PDE4D: variants seen among roughly 807,000 people sequenced by gnomAD.
PDE4D encodes the protein 3',5'-cyclic-AMP phosphodiesterase 4D.
In PDE4D, 24 loss-of-function variants were observed where a neutral mutation model predicts 87.4. That is an observed-to-expected ratio of 0.27 (90% CI 0.20 to 0.39). PDE4D has a LOEUF of 0.39. PDE4D is among the 10% of genes least tolerant of loss of function. The pLI is 1.00. For missense variants in PDE4D, 714 were observed against 1,041.0 expected (o/e 0.69, Z 4.32); for synonymous variants, 384 against 383.2 (o/e 1.00, Z -0.02).
intron 1 of PDE4D, among the ~76,000 whole-genome samples, chr5:59,395,243 C>T (rs1433729597): frequency 1.3e-5 from 2 of 152,184 alleles, no homozygotes; most frequent in Non-Finnish European, 2.9e-5. Flanking sequence ...CTCAAGGAGG[C>T]CTGCGTGCTT....
Position 59,836,668 on chromosome 5 carries a change from CCTAT to C in PDE4D, c.455+56496_455+56499del, listed in dbSNP as rs202194802. Reference sequence around the variant, plus strand: ...TATCTATCTATCTATCATCTATCTACCTATCTATCTATCTACCTATCTATCTATG... The same window carrying C: ...TATCTATCTATCTATCATCTATCTACCTATCTATCTACCTATCTATCTATG... On this transcript the variant is annotated intron_variant, in intron 1 of 14. Transcript: ENST00000340635. Among the ~76,000 whole-genome samples the C allele has an allele frequency of 9.8e-3, 1,220 of 124,868 alleles. 8 individuals carry two copies. Among genetic ancestry groups the C allele is most frequent in the South Asian group, 0.017 (76 of 4,460 alleles). 81.9% of individuals were successfully genotyped at this position (124,868 alleles called of 152,430 possible).
At chr5:60,087,830 A>G (rs906406960) in intron 2 of PDE4D, among the ~76,000 whole-genome samples, 6 of 152,288 alleles carry the variant, frequency 3.9e-5, no homozygotes, top group African/African-American at 1.4e-4. Context: ...TCTAGAAAGC[A>G]TATTTCAAAA....
At chr5:60,387,330 C>T (rs1762255051) in intron 1 of PDE4D, among the ~76,000 whole-genome samples, 1 of 152,168 alleles carries the variant, frequency 6.6e-6, no homozygotes, top group Non-Finnish European at 1.5e-5. Context: ...CTTTGTATCC[C>T]AATGACGTCA....
chr5:59,013,119 A>G (rs1300407159), intron 6 of PDE4D, among the ~76,000 whole-genome samples: 4 of 152,220 alleles, frequency 2.6e-5, no homozygotes, highest in African/African-American at 9.6e-5. Flanking sequence ...AAGACACAAC[A>G]TACTAGAATC....
rs187714334 is a variant in PDE4D, at chr5:59,121,973, C to A, written c.808+58622G>T. The stretch of plus-strand genomic sequence containing the variant: ...CCTGGCCAATATGGTGAAACCCCAT[C>A]TCTTCTTAAAATACAAAAATTAGCC... On this transcript the variant is annotated intron_variant, in intron 5 of 14. Transcript: ENST00000340635. 4.6e-3 allele frequency among the ~76,000 whole-genome samples: 705 copies of A among 152,000 alleles called. 6 individuals carry two copies. The highest frequency in any genetic ancestry group is 0.016 in the African/African-American group (679 of 41,460).
At chr5:60,320,291 A>G (rs1159346446) in intron 1 of PDE4D, among the ~76,000 whole-genome samples, 1 of 152,206 alleles carries the variant, frequency 6.6e-6, no homozygotes, top group Non-Finnish European at 1.5e-5. Context: ...CATGCACGGG[A>G]TATAATCTCC....
At chr5:60,253,871 A>G (rs921793220) in intron 1 of PDE4D, among the ~76,000 whole-genome samples, 1 of 151,902 alleles carries the variant, frequency 6.6e-6, no homozygotes, top group Admixed American at 6.6e-5. Context: ...TAATATTGGG[A>G]CAGAGTAAAG....
chr5:59,061,034 T>A (rs1763039785), intron 5 of PDE4D, among the ~76,000 whole-genome samples: 1 of 152,164 alleles, frequency 6.6e-6, no homozygotes, highest in South Asian at 2.1e-4. Context: ...AGGATGTTCA[T>A]ATATTTATTG....
intron 1 of PDE4D, among the ~76,000 whole-genome samples, chr5:60,413,440 T>C (rs1285339229): frequency 6.6e-6 from 1 of 152,190 alleles, no homozygotes; most frequent in African/African-American, 2.4e-5. Context: ...CCTTTCATTT[T>C]CTGAAGATGA....
At chr5:60,166,672 A>G (rs1782931852) in intron 2 of PDE4D, among the ~76,000 whole-genome samples, 1 of 152,186 alleles carries the variant, frequency 6.6e-6, no homozygotes, top group African/African-American at 2.4e-5. Context: ...GCATTAACAC[A>G]TGTTTTTGTA....
chr5:59,570,269 T>G (rs1425814140), intron 1 of PDE4D, among the ~76,000 whole-genome samples: 3 of 152,156 alleles, frequency 2.0e-5, no homozygotes, highest in Non-Finnish European at 4.4e-5. Flanking sequence ...CTCTTTAATC[T>G]CAGTATTTAA....
chr5:59,646,683 A>G (rs1188586105), intron 1 of PDE4D, among the ~76,000 whole-genome samples: 1 of 152,200 alleles, frequency 6.6e-6, no homozygotes, highest in Non-Finnish European at 1.5e-5. Context: ...TCACAAACAT[A>G]TAAACTAGCA....
At chr5:59,501,818 AG>A (rs1259921181) in intron 1 of PDE4D, among the ~76,000 whole-genome samples, 1 of 152,188 alleles carries the variant, frequency 6.6e-6, no homozygotes, top group East Asian at 1.9e-4. Flanking sequence ...TCATATTGAT[AG>A]GCTGAGGCTG....
chr5:58,976,740 G>A (rs1743899606), intron 12 of PDE4D, among the ~76,000 whole-genome samples: 1 of 152,154 alleles, frequency 6.6e-6, no homozygotes, highest in Admixed American at 6.5e-5. Flanking sequence ...CCATGGATAA[G>A]ACATCATCAC....
At chr5:59,693,165 A>G (rs1480940714) in intron 1 of PDE4D, among the ~76,000 whole-genome samples, 1 of 151,994 alleles carries the variant, frequency 6.6e-6, no homozygotes, top group African/African-American at 2.4e-5. Context: ...TGAATAAACA[A>G]CATAACTGAA....
intron 5 of PDE4D, among the ~76,000 whole-genome samples, chr5:59,114,235 AAT>A (rs1187096600): frequency 8.5e-5 from 13 of 152,186 alleles, no homozygotes; most frequent in African/African-American, 2.9e-4. Flanking sequence ...GATCCCTTTA[AAT>A]ATATACAAGT....
chr5:60,466,966 C>CTT (rs1747402667), intron 1 of PDE4D, among the ~76,000 whole-genome samples: 1 of 142,798 alleles, frequency 7.0e-6, no homozygotes, highest in East Asian at 2.3e-4. Flanking sequence ...AGAAATCAAT[C>CTT]ACCTACTAGC....
At chr5:59,043,646 G>C (rs1036471465) in intron 5 of PDE4D, among the ~76,000 whole-genome samples, 1 of 152,110 alleles carries the variant, frequency 6.6e-6, no homozygotes, top group African/African-American at 2.4e-5. Flanking sequence ...ATGTTGGTGT[G>C]CTGCACCCAT....
intron 2 of PDE4D, among the ~76,000 whole-genome samples, chr5:59,200,304 T>A (rs1310681207): frequency 2.9e-5 from 4 of 135,836 alleles, no homozygotes; most frequent in Non-Finnish European, 4.7e-5. Context: ...CATATGTGTA[T>A]GTACAGCTAC....
Sources: gnomAD v4.1 joint callset for allele counts (sites outside exome capture counted in the v4.1 genomes callset) on GRCh38, gnomAD v4.1.1 for gene constraint, MANE v1.5 for transcripts, NCBI Gene and HGNC (gene_info 2026-07-23, HGNC 2026-07-21) for gene names.